The following DPP6 variants were observed in gnomAD, a reference collection of about 807,000 sequenced individuals.
DPP6 encodes the protein A-type potassium channel modulatory protein DPP6.
A neutral mutation model predicts 122.6 loss-of-function variants in DPP6; 69 were observed. That is an observed-to-expected ratio of 0.56 (90% confidence interval 0.46 to 0.69). The LOEUF (loss-of-function observed/expected upper bound fraction) is 0.69, where lower values mean the gene tolerates loss of function less well. Among genes scored for constraint, DPP6 ranks in the 30% least tolerant of loss-of-function variants. DPP6 has a pLI of 0.00. For missense variants in DPP6, 928 were observed against 1,116.9 expected, an observed-to-expected ratio of 0.83 and a Z score of 2.41; for synonymous variants, 418 against 433.1, an observed-to-expected ratio of 0.97 and a Z score of 0.43.
rs147865708 is a variant in DPP6, at chr7:154,821,980, A to G, written c.1666+14868A>G. ...GGAATACATGTCTCAAGCTTCCCTGATGTTATTTCTGTACCTGTCAAACTA... is the reference window on the plus strand; with the variant it reads ...GGAATACATGTCTCAAGCTTCCCTGGTGTTATTTCTGTACCTGTCAAACTA... On this transcript the variant is annotated intron_variant, in intron 16 of 25. Coordinates refer to ENST00000377770, the MANE Select transcript of DPP6 (RefSeq NM_130797.4). The surrounding 1 kb of genome is among the most constrained non-coding windows in gnomAD (Gnocchi z 4.2). Among the ~76,000 whole-genome samples, 286 of 152,226 alleles carry G rather than the reference A, an allele frequency of 1.9e-3. No individual in the cohort carries two copies. The highest frequency in any genetic ancestry group is 5.2e-3 in the Admixed American group (80 of 15,288).
intron 4 of DPP6, among the ~76,000 whole-genome samples, chr7:154,565,084 G>A (rs1440765966): frequency 1.3e-5 from 2 of 152,160 alleles, no homozygotes; most frequent in Non-Finnish European, 2.9e-5. Flanking sequence ...GCTTTGCTTA[G>A]GCACAACTCA....
intron 1 of DPP6, among the ~76,000 whole-genome samples, chr7:154,209,927 C>G (rs981187310): frequency 2.0e-5 from 3 of 152,154 alleles, no homozygotes; most frequent in African/African-American, 7.2e-5. Context: ...CAGTTAGACC[C>G]CAGTGTTCAT....
chr7:153,912,815 C>A (rs542452106), intron 1 of DPP6, among the ~76,000 whole-genome samples: 2 of 152,198 alleles, frequency 1.3e-5, no homozygotes, highest in South Asian at 4.2e-4. Flanking sequence ...CTGTTAGAGC[C>A]CCACACAGCA....
chr7:153,862,419 T>C, the DPP6 span, among the ~76,000 whole-genome samples: 1,897 of 152,320 alleles, frequency 0.012, 44 homozygotes, highest in African/African-American at 0.039. Context: ...TAGGGTTATT[T>C]GCCTCTCACC....
At chr7:154,491,777 G>T (rs1824300569) in intron 3 of DPP6, among the ~76,000 whole-genome samples, 1 of 152,180 alleles carries the variant, frequency 6.6e-6, no homozygotes, top group African/African-American at 2.4e-5. Context: ...CCCAGCATAC[G>T]AAGGAGGATT....
intron 1 of DPP6, among the ~76,000 whole-genome samples, chr7:154,340,013 C>T (rs1318908825): frequency 6.6e-6 from 1 of 152,010 alleles, no homozygotes; most frequent in Non-Finnish European, 1.5e-5. Context: ...GCAGAGTTTG[C>T]AGTGAGCCAA....
chr7:153,825,551 CTTTTG>C, the DPP6 span, among the ~76,000 whole-genome samples: 1 of 151,124 alleles, frequency 6.6e-6, no homozygotes, highest in African/African-American at 2.4e-5. Flanking sequence ...CCATTTTTTT[CTTTTG>C]TTTTGTTTTC....
intron 7 of DPP6, among the ~76,000 whole-genome samples, chr7:154,697,559 A>T (rs1776266233): frequency 6.6e-6 from 1 of 152,190 alleles, no homozygotes; most frequent in Admixed American, 6.5e-5. Flanking sequence ...GATGGGAAGG[A>T]TTCTGAGGTC....
In DPP6 at chr7:154,892,574, GC is replaced by G; in HGVS notation, c.*95del. 1 of 1,563,436 alleles carries G rather than the reference GC, an allele frequency of 6.4e-7. No individual in the cohort carries two copies. The highest frequency in any genetic ancestry group is 8.7e-7 in the Non-Finnish European group (1 of 1,153,928). On this transcript the variant is annotated 3_prime_UTR_variant, in exon 26 of 26. Transcript: ENST00000377770. Reference sequence around the variant, plus strand: ...CTCCCTCTTCCCTCGGAGGGGCGGGGCGGGGCGGGGCCGGGTGTTCCATAGC... The same window carrying G: ...CTCCCTCTTCCCTCGGAGGGGCGGGGGGGGCGGGGCCGGGTGTTCCATAGC...
At chr7:153,764,279 G>T in the DPP6 span, among the ~76,000 whole-genome samples, 2 of 152,064 alleles carry the variant, frequency 1.3e-5, no homozygotes, top group Admixed American at 6.6e-5. Context: ...CCCTTCTCTT[G>T]GCCCCCTTCC....
chr7:154,062,007 C>G (rs1259203132), intron 1 of DPP6, among the ~76,000 whole-genome samples: 1 of 120,452 alleles, frequency 8.3e-6, no homozygotes, highest in African/African-American at 3.1e-5. Flanking sequence ...GTTGGTACCC[C>G]CATCGCAGGG....
In DPP6 at chr7:154,616,549, A is replaced by G. The variant is rs545070080; in HGVS notation, c.628-21272A>G. Among the ~76,000 whole-genome samples, 77 of 152,332 alleles carry G rather than the reference A, an allele frequency of 5.1e-4. 1 individual carries two copies. The South Asian group carries it at 0.013, about 26-fold the overall frequency. On this transcript the variant is annotated intron_variant, in intron 5 of 25. Transcript: ENST00000377770. ...GAGGGCTGGGAGGCTATGGGAGACC[A>G]TAGGCATAGAGAAAACATTCCTTCT...
At chr7:154,840,396 G>A (rs1340206312) in intron 16 of DPP6, among the ~76,000 whole-genome samples, 3 of 152,172 alleles carry the variant, frequency 2.0e-5, no homozygotes, top group South Asian at 2.1e-4. Context: ...CACAGGAAGC[G>A]GAAGCCTTTC....
At chr7:154,401,249 T>C (rs1815571888) in intron 1 of DPP6, among the ~76,000 whole-genome samples, 1 of 151,502 alleles carries the variant, frequency 6.6e-6, no homozygotes, top group South Asian at 2.1e-4. Context: ...GGCTGCCCCC[T>C]TTGGAAACAG....
intron 1 of DPP6, among the ~76,000 whole-genome samples, chr7:154,103,949 C>T (rs895999968): frequency 1.2e-4 from 18 of 152,172 alleles, no homozygotes; most frequent in Admixed American, 2.0e-4. Context: ...TGGACTGAGC[C>T]ACTACCGGCT....
rs764324708 is a variant in DPP6 at position 154,483,692 on chromosome 7, G to A, written c.457+8655G>A. ...AAAGCCCAGGTGAAGTTTTTGTTTCGTTTTGTTTTGCTTTGCTTTTGAGAC... is the reference window on the plus strand; with the variant it reads ...AAAGCCCAGGTGAAGTTTTTGTTTCATTTTGTTTTGCTTTGCTTTTGAGAC... On this transcript the variant is annotated intron_variant, in intron 3 of 25. Coordinates refer to ENST00000377770, the MANE Select transcript of DPP6 (RefSeq NM_130797.4). The surrounding 1 kb of genome is among the most constrained non-coding windows in gnomAD (Gnocchi z 8.1). Among the ~76,000 whole-genome samples the A allele has an allele frequency of 3.9e-5, 6 of 152,124 alleles. No homozygotes were observed. Among genetic ancestry groups the A allele is most frequent in the African/African-American group, 4.8e-5 (2 of 41,424 alleles).
intron 1 of DPP6, among the ~76,000 whole-genome samples, chr7:153,926,430 G>A (rs1165477097): frequency 6.6e-6 from 1 of 152,202 alleles, no homozygotes; most frequent in East Asian, 1.9e-4. Flanking sequence ...ACAGGAAAGA[G>A]GATGTCAGCC....
chr7:154,035,963 A>T (rs1281371234), intron 1 of DPP6, among the ~76,000 whole-genome samples: 6 of 151,968 alleles, frequency 3.9e-5, no homozygotes, highest in Non-Finnish European at 8.8e-5. Context: ...GCCCAGTGAA[A>T]GGAGAGTATG....
chr7:153,874,257 C>CACAT, the DPP6 span, among the ~76,000 whole-genome samples: 1 of 150,536 alleles, frequency 6.6e-6, no homozygotes, highest in East Asian at 2.0e-4. Flanking sequence ...CACATGCACA[C>CACAT]ACACACACAC....
Sources: allele counts gnomAD v4.1 joint callset (sites outside exome capture counted in the v4.1 genomes callset), GRCh38; gene constraint gnomAD v4.1.1; non-coding constraint Gnocchi (gnomAD v3.1); transcripts MANE v1.5; gene names NCBI Gene and HGNC (gene_info 2026-07-23, HGNC 2026-07-21).